Variants in MPP7 observed in about 807,000 individuals in gnomAD.
The protein encoded by MPP7 is MAGUK p55 scaffold protein 7, also known as MAGUK p55 subfamily member 7.
MPP7 carries 60 observed loss-of-function variants against 76.5 expected under a neutral mutation model. That is an observed-to-expected ratio of 0.78 (90% CI 0.64 to 0.97). MPP7 has a LOEUF of 0.97. Among genes scored for constraint, MPP7 ranks in the 50% least tolerant of loss-of-function variants. The pLI, the probability that MPP7 is intolerant of heterozygous loss-of-function variation, is 0.00. For synonymous variants in MPP7, 237 were observed against 244.5 expected (o/e 0.97, Z 0.29); for missense variants, 641 against 694.0 (o/e 0.92, Z 0.86).
At chr10:28,259,788 G>A (rs56311491) in intron 1 of MPP7, among the ~76,000 whole-genome samples, 8,664 of 152,088 alleles carry the variant, frequency 0.057, 568 homozygotes, top group African/African-American at 0.15. Flanking sequence ...AGGCCAGAGC[G>A]TGGGCAACAT....
chr10:28,256,425 C>T (rs1012108503), intron 1 of MPP7, among the ~76,000 whole-genome samples: 1 of 151,118 alleles, frequency 6.6e-6, no homozygotes, highest in African/African-American at 2.4e-5. Flanking sequence ...CAAGATTCTA[C>T]TTCTAAGAAT....
chr10:28,120,697 A>C lies in MPP7; in HGVS notation c.616-29T>G, dbSNP rs917107509. 3 of 1,571,226 alleles carry C rather than the reference A, an allele frequency of 1.9e-6. No homozygotes were observed. In the African/African-American group the frequency reaches 4.1e-5, roughly 21 times the overall value. ...GTAACAGATAAAACAAGGAGTTATA[A>C]GAAAACCAGACCCAAGGAAGAATAA... On this transcript the variant is annotated intron_variant, in intron 8 of 16. Transcript: ENST00000683449.
intron 1 of MPP7, among the ~76,000 whole-genome samples, chr10:28,265,327 G>C (rs1006584087): frequency 3.3e-5 from 5 of 152,216 alleles, no homozygotes; most frequent in African/African-American, 1.2e-4. Flanking sequence ...GGGAGGCCAA[G>C]GCGGGGGGAC....
At chr10:28,210,474 T>G (rs1382841814) in intron 2 of MPP7, among the ~76,000 whole-genome samples, 1 of 152,196 alleles carries the variant, frequency 6.6e-6, no homozygotes, top group Non-Finnish European at 1.5e-5. Context: ...ATTTCAACTT[T>G]CTCATAAATG....
At chr10:28,238,351 G>A (rs954932886) in intron 2 of MPP7, among the ~76,000 whole-genome samples, 7 of 152,262 alleles carry the variant, frequency 4.6e-5, no homozygotes, top group East Asian at 1.9e-4. Flanking sequence ...GAGAATATCT[G>A]CACATGCCAT....
chr10:28,133,343 A>G (rs1199474602), intron 5 of MPP7, among the ~76,000 whole-genome samples: 1 of 152,198 alleles, frequency 6.6e-6, no homozygotes, highest in Non-Finnish European at 1.5e-5. Flanking sequence ...AAAGTCCTGC[A>G]TGCCTCTCCA....
chr10:28,088,398 A>C (rs1564624235), intron 12 of MPP7, among the ~76,000 whole-genome samples: 1 of 152,186 alleles, frequency 6.6e-6, no homozygotes, highest in East Asian at 1.9e-4. Flanking sequence ...CACGATAATG[A>C]GTTCTCAGGA....
intron 1 of MPP7, among the ~76,000 whole-genome samples, chr10:28,300,451 T>C (rs1332969301): frequency 3.3e-5 from 5 of 152,224 alleles, no homozygotes; most frequent in East Asian, 1.9e-4. Flanking sequence ...AGTTCCTTTA[T>C]GGAAATTTTT....
At chr10:28,221,905 C>T (rs908547928) in intron 2 of MPP7, among the ~76,000 whole-genome samples, 1 of 152,066 alleles carries the variant, frequency 6.6e-6, no homozygotes, top group Non-Finnish European at 1.5e-5. Context: ...TTCAATAGTG[C>T]TATGCTAGCT....
chr10:28,126,529 C>A (rs937135325), intron 6 of MPP7, among the ~76,000 whole-genome samples: 1 of 152,170 alleles, frequency 6.6e-6, no homozygotes, highest in African/African-American at 2.4e-5. Context: ...ATGGAAAAAT[C>A]AGGACTTGTT....
intron 3 of MPP7, among the ~76,000 whole-genome samples, chr10:28,192,046 C>G (rs1588904531): frequency 6.6e-6 from 1 of 151,928 alleles, no homozygotes; most frequent in South Asian, 2.1e-4. Flanking sequence ...ATCGCTTGAA[C>G]CCCAGAGGCA....
At chr10:28,063,038 T>C (rs74823255) in intron 13 of MPP7, among the ~76,000 whole-genome samples, 1,852 of 147,322 alleles carry the variant, frequency 0.013, 56 homozygotes, top group East Asian at 0.12. Flanking sequence ...AAGACACCAT[T>C]AAAAAAAAAA....
chr10:28,248,421 T>C (rs1194221120), intron 1 of MPP7, among the ~76,000 whole-genome samples: 2 of 152,152 alleles, frequency 1.3e-5, no homozygotes, highest in African/African-American at 4.8e-5. Context: ...GGAGGCTTTG[T>C]GCACTCCGAC....
chr10:28,147,491 T>A lies in MPP7; in HGVS notation c.307A>T (p.Asn103Tyr). The change falls in exon 5 of 17, where the codon AAT becomes TAT. Residue 103 changes from asparagine (N) to tyrosine (Y), a missense_variant. Transcript: ENST00000683449. ...RELLKLLSKP[N>Y]VKALLSVHDT... ...GCGTAACATGTCCTCACCTTCACAT[T>A]GGGTTTTGACAGTAGTTTCAACAGC... 1 of 1,613,684 alleles carries A rather than the reference T, an allele frequency of 6.2e-7. No individual in the cohort carries two copies. Among genetic ancestry groups the A allele is most frequent in the Non-Finnish European group, 8.5e-7 (1 of 1,179,566 alleles).
chr10:28,262,212 T>TATATATATATAC (rs1839987682), intron 1 of MPP7, among the ~76,000 whole-genome samples: 1 of 57,544 alleles, frequency 1.7e-5, no homozygotes, highest in African/African-American at 8.5e-5. Context: ...TATATACATA[T>TATATATATATAC]ATATATATAT....
intron 13 of MPP7, among the ~76,000 whole-genome samples, chr10:28,061,180 A>C (rs1181357691): frequency 6.6e-6 from 1 of 151,518 alleles, no homozygotes; most frequent in Non-Finnish European, 1.5e-5. Flanking sequence ...AAAACAAAAC[A>C]AAAAAAACAC....
intron 1 of MPP7, among the ~76,000 whole-genome samples, chr10:28,333,673 A>G (rs779613136): frequency 9.2e-5 from 14 of 152,342 alleles, no homozygotes; most frequent in Admixed American, 2.0e-4. Flanking sequence ...ATTTTCTACA[A>G]TGTAACTTTT....
intron 3 of MPP7, among the ~76,000 whole-genome samples, chr10:28,154,347 T>G (rs948868511): frequency 6.6e-6 from 1 of 152,172 alleles, no homozygotes; most frequent in African/African-American, 2.4e-5. Flanking sequence ...CCTAAAAACT[T>G]GGAGGCTGTA....
chr10:28,253,062 C>CA (rs1475153760), intron 1 of MPP7, among the ~76,000 whole-genome samples: 2 of 152,136 alleles, frequency 1.3e-5, no homozygotes, highest in Non-Finnish European at 2.9e-5. Context: ...CACGCACCAC[C>CA]ATGCCCAACT....
Sources: allele counts gnomAD v4.1 joint callset (sites outside exome capture counted in the v4.1 genomes callset), GRCh38; gene constraint gnomAD v4.1.1; transcripts MANE v1.5; gene names NCBI Gene and HGNC (gene_info 2026-07-23, HGNC 2026-07-21).